The following BORCS5 variants were observed in gnomAD, a reference collection of about 807,000 sequenced individuals.
BORCS5 encodes BLOC-1-related complex subunit 5.
A neutral mutation model predicts 22.1 loss-of-function variants in BORCS5; 17 were observed. The observed-to-expected ratio is 0.77, with a 90% confidence interval of 0.53 to 1.15. The LOEUF (loss-of-function observed/expected upper bound fraction) is 1.15. BORCS5 is among the 50% of genes most tolerant of loss of function. The pLI is 0.00. For synonymous variants in BORCS5, 117 were observed against 99.8 expected, an observed-to-expected ratio of 1.17 and a Z score of -1.03; for missense variants, 247 against 253.2, an observed-to-expected ratio of 0.98 and a Z score of 0.17.
intron 2 of BORCS5, among the ~76,000 whole-genome samples, chr12:12,402,531 G>A (rs1941503095): frequency 6.6e-6 from 1 of 152,202 alleles, no homozygotes; most frequent in Non-Finnish European, 1.5e-5. Flanking sequence ...TTCCTGCAGA[G>A]TTCCTGAATT....
chr12:12,382,171 A>G (rs1017497692), intron 2 of BORCS5, among the ~76,000 whole-genome samples: 1 of 151,438 alleles, frequency 6.6e-6, no homozygotes, highest in African/African-American at 2.4e-5. Flanking sequence ...CAGTTCTGCA[A>G]GCTGTATAAG....
Position 12,467,988 on chromosome 12 carries a change from C to T in BORCS5, c.*2212C>T, listed in dbSNP as rs1943229981. On this transcript the variant is annotated 3_prime_UTR_variant, in exon 4 of 4. Coordinates refer to ENST00000314565, the MANE Select transcript of BORCS5 (RefSeq NM_058169.6). Reference sequence around the variant, plus strand: ...CGGGTATGAGAACCAGCTTCTTGGTCTGCAGCCACAAGGATGAAGGTTTGG... The same window carrying T: ...CGGGTATGAGAACCAGCTTCTTGGTTTGCAGCCACAAGGATGAAGGTTTGG... The T allele has an allele frequency of 6.6e-6, 1 of 152,208 alleles. No individual in the cohort carries two copies. The highest frequency in any genetic ancestry group is 1.5e-5 in the Non-Finnish European group (1 of 68,070). 9.4% of individuals were successfully genotyped at this position (152,208 alleles called of 1,614,324 possible). A position where few individuals can be genotyped will look rare whatever the true frequency, so the allele number is the denominator to read the frequency against.
intron 2 of BORCS5, among the ~76,000 whole-genome samples, chr12:12,405,450 T>C (rs1400825218): frequency 6.6e-6 from 1 of 152,240 alleles, no homozygotes; most frequent in East Asian, 1.9e-4. Context: ...ATAACATTAT[T>C]CTTTCTGTTA....
intron 3 of BORCS5, among the ~76,000 whole-genome samples, chr12:12,450,128 A>T (rs892740178): frequency 6.6e-6 from 1 of 152,266 alleles, no homozygotes; most frequent in African/African-American, 2.4e-5. Context: ...TGTCATTGGT[A>T]GACTTTGGTC....
chr12:12,426,823 A>G (rs928263686), intron 2 of BORCS5, among the ~76,000 whole-genome samples: 22 of 152,212 alleles, frequency 1.4e-4, no homozygotes, highest in African/African-American at 5.1e-4. Context: ...AGCTTTTTCC[A>G]TGCTGCCTCC....
rs1269698105 is a variant in BORCS5, at chr12:12,468,989, T to C, written c.*3213T>C. On this transcript the variant is annotated 3_prime_UTR_variant, in exon 4 of 4. Transcript: ENST00000314565. Reference sequence around the variant, plus strand: ...GAACCTAGATACCTACCCAGTATTCTCTGCACAGAGTAAACATTTCATTAA... The same window carrying C: ...GAACCTAGATACCTACCCAGTATTCCCTGCACAGAGTAAACATTTCATTAA... The C allele has an allele frequency of 2.0e-5, 3 of 152,226 alleles. No homozygotes were observed. The highest frequency in any genetic ancestry group is 4.4e-5 in the Non-Finnish European group (3 of 68,050). The allele number at this position is 152,226 out of a possible 1,614,324, so 9.4% of individuals were successfully genotyped here.
chr12:12,388,264 C>T (rs745732648), intron 2 of BORCS5, among the ~76,000 whole-genome samples: 1 of 151,234 alleles, frequency 6.6e-6, no homozygotes, highest in Non-Finnish European at 1.5e-5. Context: ...CTTTAAACCA[C>T]ATCCTAAGAC....
At chr12:12,458,527 T>G (rs2136156216) in intron 3 of BORCS5, among the ~76,000 whole-genome samples, 1 of 152,190 alleles carries the variant, frequency 6.6e-6, no homozygotes, top group Middle Eastern at 3.4e-3. Context: ...TATTATGAAA[T>G]GTTCTCAGTC....
rs535707600 is a variant in BORCS5, at chr12:12,380,747, T to C, written c.202+19398T>C. Among the ~76,000 whole-genome samples, 108 of 151,428 alleles carry C rather than the reference T, an allele frequency of 7.1e-4. 3 individuals carry two copies. The highest frequency in any genetic ancestry group is 2.6e-3 in the African/African-American group (108 of 41,276). The stretch of plus-strand genomic sequence containing the variant: ...CTTCCAGCAATGTATGAGAATTCAG[T>C]ATTCTCTTTATTTCTGATTATAGCC... On this transcript the variant is annotated intron_variant, in intron 2 of 3. Coordinates refer to ENST00000314565, the MANE Select transcript of BORCS5 (RefSeq NM_058169.6).
chr12:12,423,877 A>G (rs904506948), intron 2 of BORCS5, among the ~76,000 whole-genome samples: 1 of 152,020 alleles, frequency 6.6e-6, no homozygotes, highest in African/African-American at 2.4e-5. Flanking sequence ...TTTTGTAGAG[A>G]TGGGGTTTTG....
At chr12:12,425,568 G>A (rs1942265301) in intron 2 of BORCS5, among the ~76,000 whole-genome samples, 1 of 152,190 alleles carries the variant, frequency 6.6e-6, no homozygotes. Context: ...ATCTCATTGT[G>A]TTTTGTATTT....
At chr12:12,367,646 G>T (rs1055998864) in intron 2 of BORCS5, among the ~76,000 whole-genome samples, 1 of 152,214 alleles carries the variant, frequency 6.6e-6, no homozygotes, top group Non-Finnish European at 1.5e-5. Flanking sequence ...GGAAGTACCA[G>T]GTGAATGGTT....
intron 2 of BORCS5, among the ~76,000 whole-genome samples, chr12:12,395,805 G>A (rs1197091023): frequency 6.6e-6 from 1 of 152,052 alleles, no homozygotes; most frequent in African/African-American, 2.4e-5. Context: ...CTAGTGATGA[G>A]CTGATGAAAG....
intron 3 of BORCS5, among the ~76,000 whole-genome samples, chr12:12,453,333 C>T (rs1942946339): frequency 6.6e-6 from 1 of 152,122 alleles, no homozygotes. Context: ...TGGGGTTAGT[C>T]GATGCATGGT....
intron 2 of BORCS5, among the ~76,000 whole-genome samples, chr12:12,401,849 AAGATCG>A (rs1037493444): frequency 1.3e-5 from 2 of 151,900 alleles, no homozygotes; most frequent in Admixed American, 6.6e-5. Flanking sequence ...ACGAGGTCAG[AAGATCG>A]AGACCATCCT....
intron 2 of BORCS5, among the ~76,000 whole-genome samples, chr12:12,412,486 AATTT>A (rs752694724): frequency 6.6e-5 from 10 of 152,164 alleles, no homozygotes; most frequent in Non-Finnish European, 1.0e-4. Context: ...CACTTTGGTG[AATTT>A]ATTTATTTAT....
At chr12:12,463,179 C>A (rs138161855) in intron 3 of BORCS5, among the ~76,000 whole-genome samples, 4 of 152,278 alleles carry the variant, frequency 2.6e-5, no homozygotes, top group East Asian at 3.9e-4. Flanking sequence ...AAATGTGTTA[C>A]AATGAGCATG....
In BORCS5 at chr12:12,371,494, A is replaced by G. The variant is rs540100789; in HGVS notation, c.202+10145A>G. On this transcript the variant is annotated intron_variant, in intron 2 of 3. Coordinates refer to ENST00000314565, the MANE Select transcript of BORCS5 (RefSeq NM_058169.6). ...TTTTTTGTAGAGATGGGGTTTCCCA[A>G]TGTTGCCTAGGCTAGTCTCAAACTC... 1.1e-4 allele frequency among the ~76,000 whole-genome samples: 16 copies of G among 152,074 alleles called. No individual in the cohort carries two copies. The South Asian group carries it at 2.1e-3, about 20-fold the overall frequency.
At chr12:12,372,175 G>C (rs950834921) in intron 2 of BORCS5, among the ~76,000 whole-genome samples, 1 of 152,108 alleles carries the variant, frequency 6.6e-6, no homozygotes, top group Non-Finnish European at 1.5e-5. Context: ...GAGTAGCTGG[G>C]ATTTCAGCCA....
Sources: allele counts gnomAD v4.1 joint callset (sites outside exome capture counted in the v4.1 genomes callset), GRCh38; gene constraint gnomAD v4.1.1; transcripts MANE v1.5; gene names NCBI Gene and HGNC (gene_info 2026-07-23, HGNC 2026-07-21).